The following DNAH9 variants were observed in gnomAD, a reference collection of about 807,000 sequenced individuals.
The protein encoded by DNAH9 is DNAH9 variant protein.
In DNAH9, 345 loss-of-function variants were observed where a neutral mutation model predicts 471.6. The ratio of observed to expected loss-of-function variants is 0.73; its 90% CI spans 0.67 to 0.80. The LOEUF is 0.80. DNAH9 is among the 30% of genes least tolerant of loss of function. The pLI, the probability that DNAH9 is intolerant of heterozygous loss-of-function variation, is 0.00. For missense variants in DNAH9, 5,407 were observed against 5,609.2 expected, an observed-to-expected ratio of 0.96 and a Z score of 1.15; for synonymous variants, 2,093 against 2,123.6, an observed-to-expected ratio of 0.99 and a Z score of 0.40.
intron 67 of DNAH9, among the ~76,000 whole-genome samples, chr17:11,949,559 G>A (rs931997288): frequency 1.3e-4 from 20 of 151,426 alleles, no homozygotes; most frequent in African/African-American, 2.4e-4. Flanking sequence ...TCAGCTCACC[G>A]CAACCTCTAC....
intron 68 of DNAH9, among the ~76,000 whole-genome samples, chr17:11,965,402 G>A (rs1056044912): frequency 6.6e-6 from 1 of 152,210 alleles, no homozygotes; most frequent in Admixed American, 6.5e-5. Flanking sequence ...AGCTAACAGA[G>A]CAGGCCACTT....
chr17:11,825,636 C>T (rs1197146470), intron 48 of DNAH9, among the ~76,000 whole-genome samples: 1 of 152,178 alleles, frequency 6.6e-6, no homozygotes, highest in Non-Finnish European at 1.5e-5. Flanking sequence ...GTGGAGAATC[C>T]TCCCAAGTCC....
chr17:11,653,851 T>G (rs561238563), intron 14 of DNAH9, among the ~76,000 whole-genome samples: 129 of 152,302 alleles, frequency 8.5e-4, no homozygotes, highest in African/African-American at 2.8e-3. Context: ...TCAGCAGCTG[T>G]TGTAGAACCC....
intron 36 of DNAH9, among the ~76,000 whole-genome samples, chr17:11,766,306 A>G (rs1052364673): frequency 1.3e-5 from 1 of 76,562 alleles, no homozygotes; most frequent in African/African-American, 6.0e-5. Flanking sequence ...GTTCCCATTT[A>G]AAAAAAAAAA....
At chr17:11,728,289 A>G (rs2075192474) in intron 28 of DNAH9, among the ~76,000 whole-genome samples, 1 of 152,162 alleles carries the variant, frequency 6.6e-6, no homozygotes, top group Non-Finnish European at 1.5e-5. Flanking sequence ...AATTTCAGTT[A>G]TTTTATTTCC....
chr17:11,881,129 T>G, intron 54 of DNAH9, 80 bp from the exon 55 acceptor site: 1 of 1,333,274 alleles, frequency 7.5e-7, no homozygotes, highest in Non-Finnish European at 1.1e-6. Context: ...GCAATATTGT[T>G]TGAAAAAAAT....
chr17:11,612,883 C>G (rs2150644209), intron 4 of DNAH9: 1 of 152,308 alleles, frequency 6.6e-6, no homozygotes, highest in Middle Eastern at 3.4e-3. Context: ...CCCATGTAAG[C>G]CCACTACATA....
intron 36 of DNAH9, among the ~76,000 whole-genome samples, chr17:11,766,981 AAAAAG>A (rs1227121967): frequency 1.5e-4 from 18 of 124,138 alleles, no homozygotes; most frequent in African/African-American, 3.9e-4. Context: ...AAAAAAAAAA[AAAAAG>A]AAAGAAAAGG....
intron 63 of DNAH9, among the ~76,000 whole-genome samples, chr17:11,931,627 C>G (rs919255631): frequency 3.3e-5 from 5 of 152,110 alleles, no homozygotes; most frequent in African/African-American, 1.2e-4. Context: ...CCACAACAGG[C>G]AAGAAAAGCA....
chr17:11,822,330 A>G (rs538387122), intron 46 of DNAH9, 108 bp from the exon 47 acceptor site: 1 of 1,324,190 alleles, frequency 7.6e-7, no homozygotes, highest in Non-Finnish European at 1.1e-6. Flanking sequence ...TCTCTGTTGG[A>G]TGTGCTTCCC....
At chr17:11,874,327 T>C (rs1337518874) in intron 52 of DNAH9, among the ~76,000 whole-genome samples, 1 of 151,286 alleles carries the variant, frequency 6.6e-6, no homozygotes, top group Admixed American at 6.6e-5. Context: ...ACAGGAGCCC[T>C]GAAGGGGCCT....
chr17:11,860,514 G>T lies in DNAH9; in HGVS notation c.9933+6086G>T, dbSNP rs145779544. Among the ~76,000 whole-genome samples, 286 of 151,862 alleles carry T rather than the reference G, an allele frequency of 1.9e-3. 4 individuals are homozygous for T. Among genetic ancestry groups the T allele is most frequent in the African/African-American group, 6.6e-3 (275 of 41,448 alleles). The stretch of plus-strand genomic sequence containing the variant: ...GAATTCTGAGTTGCTAATTTTTTGT[G>T]CACAGAACACTGAATTTGTTGTTGT... On this transcript the variant is annotated intron_variant, in intron 50 of 68. Coordinates refer to ENST00000262442, the MANE Select transcript of DNAH9 (RefSeq NM_001372.4).
intron 61 of DNAH9, among the ~76,000 whole-genome samples, chr17:11,913,029 A>G (rs773817025): frequency 2.0e-5 from 3 of 152,114 alleles, no homozygotes; most frequent in Non-Finnish European, 2.9e-5. Flanking sequence ...CTAGCCGGGC[A>G]TGGTGGCACA....
chr17:11,941,692 CCGGA>C (rs1443020245), intron 66 of DNAH9, among the ~76,000 whole-genome samples: 2 of 127,876 alleles, frequency 1.6e-5, no homozygotes, highest in Admixed American at 8.3e-5. Context: ...GAGTGGATGA[CCGGA>C]TAGATAGATA....
intron 29 of DNAH9, 22 bp downstream of exon 29, chr17:11,739,059 T>C: frequency 2.0e-6 from 3 of 1,536,304 alleles, no homozygotes; most frequent in Non-Finnish European, 2.6e-6. Context: ...TTCTGCCCCA[T>C]GCAAAAGCCC....
chr17:11,740,548 C>T (rs914148039), intron 29 of DNAH9, among the ~76,000 whole-genome samples: 4 of 152,180 alleles, frequency 2.6e-5, no homozygotes, highest in Non-Finnish European at 4.4e-5. Context: ...TCTCCAAATA[C>T]CATCACATTG....
chr17:11,883,797 C>G (rs1251807067), intron 56 of DNAH9, 47 bp downstream of exon 56: 1 of 1,576,690 alleles, frequency 6.3e-7, no homozygotes, highest in Admixed American at 1.9e-5. Flanking sequence ...GGCTGGGGTC[C>G]TCCTACAATT....
At chr17:11,716,478 C>G (rs551547644) in intron 26 of DNAH9, among the ~76,000 whole-genome samples, 2 of 152,216 alleles carry the variant, frequency 1.3e-5, no homozygotes, top group South Asian at 2.1e-4. Flanking sequence ...CTCCCTGAAC[C>G]CCAGTCTCCC....
intron 19 of DNAH9, among the ~76,000 whole-genome samples, chr17:11,685,425 C>T (rs1271694683): frequency 6.6e-6 from 1 of 152,124 alleles, no homozygotes; most frequent in Non-Finnish European, 1.5e-5. Flanking sequence ...ATCTCAGCCA[C>T]TGAGGAGTCT....
Sources: gnomAD v4.1 joint callset for allele counts (sites outside exome capture counted in the v4.1 genomes callset) on GRCh38, gnomAD v4.1.1 for gene constraint, MANE v1.5 for transcripts, NCBI Gene and HGNC (gene_info 2026-07-23, HGNC 2026-07-21) for gene names.